The following ASCC1 variants were observed in gnomAD, a reference collection of about 807,000 sequenced individuals.
ASCC1 encodes ASC-1 complex subunit P50.
A neutral mutation model predicts 46.6 loss-of-function variants in ASCC1; 35 were observed. The observed-to-expected ratio is 0.75, with a 90% CI of 0.57 to 0.99. ASCC1 has a LOEUF of 0.99. Among genes scored for constraint, ASCC1 ranks in the 50% least tolerant of loss-of-function variants. The pLI is 0.00. For synonymous variants in ASCC1, 143 were observed against 146.6 expected (o/e 0.98, Z 0.18); for missense variants, 376 against 428.7 (o/e 0.88, Z 1.09).
chr10:72,132,943 G>A (rs780735859), intron 8 of ASCC1, 114 bp downstream of exon 8: 171 of 1,336,662 alleles, frequency 1.3e-4, no homozygotes, highest in Admixed American at 1.6e-4. Flanking sequence ...TAAGCTAAGA[G>A]GTCTAAAAAA....
intron 8 of ASCC1, among the ~76,000 whole-genome samples, chr10:72,131,264 C>T (rs1346800032): frequency 3.9e-5 from 6 of 151,938 alleles, no homozygotes; most frequent in Non-Finnish European, 5.9e-5. Flanking sequence ...ACTAAAAATA[C>T]GAAAATTAGC....
chr10:72,187,841 T>C (rs1853729652), intron 5 of ASCC1, among the ~76,000 whole-genome samples: 1 of 150,750 alleles, frequency 6.6e-6, no homozygotes, highest in Non-Finnish European at 1.5e-5. Context: ...TAGTCCCAGC[T>C]ACTCGAGAGG....
Position 72,190,476 on chromosome 10 carries a change from G to A in ASCC1, c.489+6335C>T, listed in dbSNP as rs151257538. The stretch of plus-strand genomic sequence containing the variant: ...CTGACATCTGCAGGCCGAAAGAGCC[G>A]TGGCCTTGGAAAGGGCCATAAGTTC... On this transcript the variant is annotated intron_variant, in intron 5 of 9. Coordinates refer to ENST00000672957, the MANE Select transcript of ASCC1 (RefSeq NM_001198800.3). 5.5e-4 allele frequency: 882 copies of A among 1,598,748 alleles called. 4 individuals carry two copies. In the African/African-American group the frequency reaches 0.01, roughly 19 times the overall value.
chr10:72,210,158 C>CTT (rs766972971), intron 3 of ASCC1, among the ~76,000 whole-genome samples: 7,256 of 131,668 alleles, frequency 0.055, 749 homozygotes, highest in African/African-American at 0.2. Flanking sequence ...AACCTCTTTT[C>CTT]TTTTTTTTTT....
At chr10:72,105,677 C>T (rs1842270319) in intron 9 of ASCC1, among the ~76,000 whole-genome samples, 1 of 152,130 alleles carries the variant, frequency 6.6e-6, no homozygotes, top group Admixed American at 6.5e-5. Context: ...CTACCATTTT[C>T]AGTTTGTACA....
chr10:72,099,806 G>A (rs936267036), intron 9 of ASCC1, among the ~76,000 whole-genome samples: 3 of 152,018 alleles, frequency 2.0e-5, no homozygotes, highest in Admixed American at 6.6e-5. Flanking sequence ...GGCAACAAGA[G>A]AGAAACTCTG....
intron 8 of ASCC1, among the ~76,000 whole-genome samples, chr10:72,129,778 C>A (rs1269706109): frequency 6.6e-6 from 1 of 151,664 alleles, no homozygotes; most frequent in Non-Finnish European, 1.5e-5. Flanking sequence ...TGTACTCCAG[C>A]CTAGGCAACA....
chr10:72,125,500 G>A (rs1247109737), intron 9 of ASCC1, among the ~76,000 whole-genome samples: 1 of 151,874 alleles, frequency 6.6e-6, no homozygotes, highest in East Asian at 1.9e-4. Context: ...TATTTTAAGG[G>A]CTTCAGGAGC....
At chr10:72,210,905 A>C in intron 2 of ASCC1, 74 bp from the exon 3 acceptor site, 2 of 1,413,634 alleles carry the variant, frequency 1.4e-6, no homozygotes, top group Non-Finnish European at 2.0e-6. Context: ...TCAGCTGTCA[A>C]CCGCTGTTGA....
intron 9 of ASCC1, among the ~76,000 whole-genome samples, chr10:72,106,736 CA>C (rs1203256956): frequency 1.3e-5 from 2 of 152,030 alleles, no homozygotes; most frequent in African/African-American, 4.8e-5. Flanking sequence ...TCATTAACTC[CA>C]AAAAAATTGC....
At chr10:72,124,129 GA>G (rs1844557371) in intron 9 of ASCC1, among the ~76,000 whole-genome samples, 1 of 152,170 alleles carries the variant, frequency 6.6e-6, no homozygotes, top group Admixed American at 6.5e-5. Flanking sequence ...CATCTTTCAA[GA>G]AAAGTCTCAA....
At chr10:72,110,516 C>CGTAACAACATG (rs1564585778) in intron 9 of ASCC1, among the ~76,000 whole-genome samples, 2 of 152,230 alleles carry the variant, frequency 1.3e-5, no homozygotes, top group Non-Finnish European at 2.9e-5. Flanking sequence ...AGGCCGGGCG[C>CGTAACAACATG]AGTGGCCCAT....
intron 5 of ASCC1, among the ~76,000 whole-genome samples, chr10:72,169,481 C>G (rs570186790): frequency 1.3e-5 from 2 of 152,126 alleles, no homozygotes; most frequent in Admixed American, 1.3e-4. Context: ...TACTTGCTAC[C>G]ATTTAAGAAA....
At chr10:72,191,761 C>T (rs1295617449) in intron 5 of ASCC1, among the ~76,000 whole-genome samples, 1 of 151,944 alleles carries the variant, frequency 6.6e-6, no homozygotes, top group African/African-American at 2.4e-5. Flanking sequence ...ATTCTCCTGC[C>T]TCAGCCTCCC....
intron 5 of ASCC1, chr10:72,189,876 G>T: frequency 1.3e-5 from 7 of 534,476 alleles, no homozygotes; most frequent in Non-Finnish European, 2.0e-5. Flanking sequence ...TTTTATTTCT[G>T]TCTTCACTAT....
chr10:72,169,518 A>AAT (rs1564687979), intron 5 of ASCC1, among the ~76,000 whole-genome samples: 4 of 152,108 alleles, frequency 2.6e-5, no homozygotes, highest in African/African-American at 4.8e-5. Flanking sequence ...AACATACATT[A>AAT]ATATATATAT....
chr10:72,144,110 G>A (rs1244436883), intron 7 of ASCC1, among the ~76,000 whole-genome samples: 1 of 151,788 alleles, frequency 6.6e-6, no homozygotes, highest in Non-Finnish European at 1.5e-5. Flanking sequence ...CCAAGTAGCT[G>A]GGATTACAGG....
rs555525702 is a variant in ASCC1 at position 72,131,932 on chromosome 10, G to A, written c.871+1125C>T. Among the ~76,000 whole-genome samples, 65 of 143,298 alleles carry A rather than the reference G, an allele frequency of 4.5e-4. No individual in the cohort carries two copies. In the South Asian group the frequency reaches 0.012, roughly 26 times the overall value. 94.0% of individuals were successfully genotyped at this position (143,298 alleles called of 152,430 possible). On this transcript the variant is annotated intron_variant, in intron 8 of 9. Coordinates refer to ENST00000672957, the MANE Select transcript of ASCC1 (RefSeq NM_001198800.3). ...TTGCTCTGTTGCCAGGCTGGAGTGC[G>A]ATCTCGGCACACTGTAACCTCCGCC...
intron 5 of ASCC1, among the ~76,000 whole-genome samples, chr10:72,178,762 T>G (rs530711294): frequency 2.0e-5 from 3 of 152,238 alleles, no homozygotes; most frequent in African/African-American, 4.8e-5. Flanking sequence ...TGGTAATTTT[T>G]TACACAGCAA....
Sources: allele counts gnomAD v4.1 joint callset (sites outside exome capture counted in the v4.1 genomes callset), GRCh38; gene constraint gnomAD v4.1.1; transcripts MANE v1.5; gene names NCBI Gene and HGNC (gene_info 2026-07-23, HGNC 2026-07-21).